Variants in SMG6 observed in about 807,000 individuals in gnomAD.
SMG6 encodes telomerase-binding protein EST1A.
Under a neutral mutation model 142.2 loss-of-function variants are expected in SMG6, and 66 were observed. The ratio of observed to expected loss-of-function variants is 0.46; its 90% CI spans 0.38 to 0.57. The LOEUF (loss-of-function observed/expected upper bound fraction) is 0.57, where lower values mean the gene tolerates loss of function less well. Ranked by LOEUF, SMG6 falls within the 20% of genes least tolerant of loss-of-function variation. The pLI, the probability that SMG6 is intolerant of heterozygous loss-of-function variation, is 0.00. For missense variants in SMG6, 1,793 were observed against 1,832.0 expected (o/e 0.98, Z 0.39); for synonymous variants, 779 against 702.4 (o/e 1.11, Z -1.72).
At chr17:2,223,406 C>T (rs1265003670) in intron 10 of SMG6, among the ~76,000 whole-genome samples, 1 of 152,218 alleles carries the variant, frequency 6.6e-6, no homozygotes, top group East Asian at 1.9e-4. Context: ...CAAGCCAGAA[C>T]ACTCCAATTA....
intron 8 of SMG6, among the ~76,000 whole-genome samples, chr17:2,255,218 C>A (rs1023968022): frequency 1.3e-5 from 2 of 151,252 alleles, no homozygotes; most frequent in African/African-American, 4.9e-5. Context: ...TCCTGGCTAA[C>A]ACGGTGAAAC....
At chr17:2,072,983 A>T (rs984525167) in intron 15 of SMG6, 2 of 152,162 alleles carry the variant, frequency 1.3e-5, no homozygotes, top group African/African-American at 4.8e-5. Flanking sequence ...TTTATTTTCT[A>T]CATATCCAGA....
intron 10 of SMG6, among the ~76,000 whole-genome samples, chr17:2,193,549 TG>T (rs1318628568): frequency 1.3e-5 from 2 of 152,134 alleles, no homozygotes; most frequent in African/African-American, 4.8e-5. Context: ...TAGGGAAATA[TG>T]GGGGCAAAGG....
chr17:2,105,662 G>A (rs2069137475), intron 13 of SMG6, among the ~76,000 whole-genome samples: 1 of 152,182 alleles, frequency 6.6e-6, no homozygotes, highest in African/African-American at 2.4e-5. Flanking sequence ...CAAATTGAAT[G>A]GGTGCTTGGC....
chr17:2,181,350 A>G (rs1195785379), intron 12 of SMG6, among the ~76,000 whole-genome samples: 3 of 152,262 alleles, frequency 2.0e-5, no homozygotes, highest in Non-Finnish European at 4.4e-5. Context: ...CGCGGGCACC[A>G]GTCCTTAAAT....
At chr17:2,078,381 C>CT (rs879468646) in intron 15 of SMG6, among the ~76,000 whole-genome samples, 6,259 of 143,430 alleles carry the variant, frequency 0.044, 401 homozygotes, top group African/African-American at 0.14. Context: ...TCACTGAATA[C>CT]TTTTTTTTTT....
chr17:2,105,259 C>T (rs1043611028), intron 13 of SMG6, among the ~76,000 whole-genome samples: 7 of 149,722 alleles, frequency 4.7e-5, no homozygotes, highest in Admixed American at 4.7e-4. Flanking sequence ...AAAAATATTA[C>T]ACTCAGCCGG....
At chr17:2,245,353 T>C (rs997918274) in intron 8 of SMG6, among the ~76,000 whole-genome samples, 6 of 152,194 alleles carry the variant, frequency 3.9e-5, no homozygotes, top group African/African-American at 1.4e-4. Flanking sequence ...AAATCCTCTA[T>C]GTAGGCCCAA....
intron 16 of SMG6, chr17:2,066,086 A>T (rs915400680): frequency 5.1e-5 from 11 of 216,646 alleles, no homozygotes; most frequent in African/African-American, 2.5e-4. Context: ...TTGGGCCCAC[A>T]CACACTGCAG....
chr17:2,268,220 G>A (rs1283310715), intron 8 of SMG6, among the ~76,000 whole-genome samples: 1 of 152,118 alleles, frequency 6.6e-6, no homozygotes, highest in Non-Finnish European at 1.5e-5. Context: ...CTTTTTCTAA[G>A]CTTCATAATG....
chr17:2,101,561 C>T (rs1006597141), intron 13 of SMG6: 2 of 152,172 alleles, frequency 1.3e-5, no homozygotes, highest in African/African-American at 4.8e-5. Flanking sequence ...AAATGACTTC[C>T]TCATTCAAGG....
At chr17:2,194,756 C>T (rs938177926) in intron 10 of SMG6, among the ~76,000 whole-genome samples, 1 of 151,338 alleles carries the variant, frequency 6.6e-6, no homozygotes, top group Non-Finnish European at 1.5e-5. Flanking sequence ...GGAGATAATG[C>T]TGTTGAGGGG....
rs537849031 is a variant in SMG6, at chr17:2,186,442, AAG to A, written c.3155+219_3155+220del. Among the ~76,000 whole-genome samples, 22 of 152,236 alleles carry A rather than the reference AAG, an allele frequency of 1.4e-4. No homozygotes were observed. The South Asian group carries it at 4.2e-3, about 29-fold the overall frequency. On this transcript the variant is annotated intron_variant, in intron 12 of 18. Coordinates refer to ENST00000263073, the MANE Select transcript of SMG6 (RefSeq NM_017575.5). ...TAACAAAATGGAGAGTGAGAGGAAA[AAG>A]AGAGTGTGAGAGGAGGGGGAAGAGG...
intron 6 of SMG6, among the ~76,000 whole-genome samples, chr17:2,289,519 T>TG (rs1413569163): frequency 3.3e-5 from 5 of 152,186 alleles, no homozygotes; most frequent in African/African-American, 1.2e-4. Flanking sequence ...ATTGTGTCAC[T>TG]GCACTCCAGC....
chr17:2,097,093 C>A (rs1211671838), intron 13 of SMG6, among the ~76,000 whole-genome samples: 2 of 152,100 alleles, frequency 1.3e-5, no homozygotes, highest in African/African-American at 4.8e-5. Flanking sequence ...GACTCAAGGC[C>A]CTGGAGTAGT....
At chr17:2,292,834 A>G (rs1421688703) in intron 5 of SMG6, 37 bp downstream of exon 5, 2 of 1,572,704 alleles carry the variant, frequency 1.3e-6, no homozygotes, top group African/African-American at 2.7e-5. Flanking sequence ...TTAGAGCCAC[A>G]TAGGGAAGAG....
intron 10 of SMG6, among the ~76,000 whole-genome samples, chr17:2,211,101 T>A (rs1194177319): frequency 5.0e-5 from 7 of 141,156 alleles, no homozygotes; most frequent in East Asian, 2.1e-4. Flanking sequence ...TGGATTTTAT[T>A]AAAAAAAAAA....
At chr17:2,191,440 G>T (rs978946010) in intron 10 of SMG6, among the ~76,000 whole-genome samples, 13 of 152,188 alleles carry the variant, frequency 8.5e-5, no homozygotes, top group African/African-American at 3.1e-4. Context: ...AGTGATGTGG[G>T]GTGGGGGAGG....
intron 15 of SMG6, among the ~76,000 whole-genome samples, chr17:2,074,028 G>A (rs1200435665): frequency 6.6e-6 from 1 of 152,110 alleles, no homozygotes; most frequent in East Asian, 1.9e-4. Context: ...ACAGTGAGCC[G>A]AGACCATGCC....
Sources: allele counts gnomAD v4.1 joint callset (sites outside exome capture counted in the v4.1 genomes callset), GRCh38; gene constraint gnomAD v4.1.1; transcripts MANE v1.5; gene names NCBI Gene and HGNC (gene_info 2026-07-23, HGNC 2026-07-21).